The following OTUD7A variants were observed in gnomAD, a reference collection of about 807,000 sequenced individuals.
OTUD7A encodes OTU domain-containing protein 7A.
Under a neutral mutation model 65.7 loss-of-function variants are expected in OTUD7A, and 12 were observed. That is an observed-to-expected ratio of 0.18 (90% CI 0.12 to 0.30). The LOEUF (loss-of-function observed/expected upper bound fraction) is 0.30, where lower values mean the gene tolerates loss of function less well. Among genes scored for constraint, OTUD7A ranks in the 10% least tolerant of loss-of-function variants. The pLI is 1.00. For synonymous variants in OTUD7A, 641 were observed against 586.3 expected (o/e 1.09, Z -1.35); for missense variants, 1,148 against 1,304.8 (o/e 0.88, Z 1.85).
rs533287233 is a variant in OTUD7A, at chr15:31,498,821, T to G, written c.1171+2869A>C. On this transcript the variant is annotated intron_variant, in intron 10 of 12. Transcript: ENST00000307050. The surrounding 1 kb of genome is among the most constrained non-coding windows in gnomAD (Gnocchi z 4.2). ...ACATTTTATCTAAAAAGTCCTAAGA[T>G]AAATTTGCAAAGCCTGGGCCACTGA... is the stretch of plus-strand genomic sequence containing the variant. Among the ~76,000 whole-genome samples, 1 of 152,248 alleles carries G rather than the reference T, an allele frequency of 6.6e-6. No homozygotes were observed. The highest frequency in any genetic ancestry group is 2.4e-5 in the African/African-American group (1 of 41,530).
intron 3 of OTUD7A, among the ~76,000 whole-genome samples, chr15:31,646,107 G>A (rs1891654207): frequency 6.6e-6 from 1 of 152,104 alleles, no homozygotes; most frequent in Non-Finnish European, 1.5e-5. Context: ...GAATCTGAGG[G>A]CTTCTGGTTG....
chr15:31,766,263 A>C, intron 1 of OTUD7A: 1 of 1,596,664 alleles, frequency 6.3e-7, no homozygotes, highest in Non-Finnish European at 8.6e-7. Flanking sequence ...TCTCGCACCC[A>C]TTGCATCATG....
At chr15:31,495,479 C>T (rs1166414893) in intron 10 of OTUD7A, among the ~76,000 whole-genome samples, 1 of 152,148 alleles carries the variant, frequency 6.6e-6, no homozygotes, top group African/African-American at 2.4e-5. Context: ...ACAAAGGTCT[C>T]AGCTAAAAGT....
At chr15:31,621,743 T>C (rs961810051) in intron 3 of OTUD7A, among the ~76,000 whole-genome samples, 2 of 151,126 alleles carry the variant, frequency 1.3e-5, no homozygotes, top group South Asian at 2.1e-4. Context: ...TGTCTTTTAA[T>C]TGGAGCATTT....
At chr15:31,669,731 T>G (rs1319177195) in intron 1 of OTUD7A, among the ~76,000 whole-genome samples, 1 of 151,958 alleles carries the variant, frequency 6.6e-6, no homozygotes, top group South Asian at 2.1e-4. Context: ...GTGGTGTTTT[T>G]CCCCCCTCCT....
chr15:31,569,949 G>A lies in OTUD7A; in HGVS notation c.331+69C>T, dbSNP rs552824126. 196 of 1,558,098 alleles carry A rather than the reference G, an allele frequency of 1.3e-4. 1 individual carries two copies. The African/African-American group carries it at 2.3e-3, about 18-fold the overall frequency. On this transcript the variant is annotated intron_variant, in intron 4 of 12. Transcript: ENST00000307050. ...ATGACCCCACCATTCTTTGTACCACGCAACCCGCCTGCAAGCTGCGGTGCA... is the reference window on the plus strand; with the variant it reads ...ATGACCCCACCATTCTTTGTACCACACAACCCGCCTGCAAGCTGCGGTGCA...
chr15:31,639,451 C>T (rs559626664), intron 3 of OTUD7A, among the ~76,000 whole-genome samples: 1 of 147,314 alleles, frequency 6.8e-6, no homozygotes, highest in East Asian at 2.0e-4. Context: ...GTTTTTTAGC[C>T]CTCACTAAGA....
chr15:31,746,076 T>C (rs1221409855), intron 1 of OTUD7A, among the ~76,000 whole-genome samples: 1 of 152,206 alleles, frequency 6.6e-6, no homozygotes, highest in Non-Finnish European at 1.5e-5. Flanking sequence ...CTTGCTTACA[T>C]TACTGGAGGG....
chr15:31,483,414 C>G lies in OTUD7A; in HGVS notation c.2682G>C (p.Gln894His). ...ECGRGGPGPV[Q>H]RRCQRENCAF... ...CACAGTTCTCGCGCTGGCAGCGCCG[C>G]TGCACCGGCCCCGGGCCGCCACGGC... Residue 894 changes from glutamine (Q) to histidine (H), a missense_variant, in exon 13 of 13, where the codon CAG becomes CAC. By Grantham distance (24) the Gln-to-His change is conservative (BLOSUM62 0). Transcript: ENST00000307050. The G allele has an allele frequency of 7.3e-7, 1 of 1,366,184 alleles. No homozygotes were observed. Among genetic ancestry groups the G allele is most frequent in the Admixed American group, 3.3e-5 (1 of 29,934 alleles). 84.6% of individuals were successfully genotyped at this position (1,366,184 alleles called of 1,614,324 possible).
At chr15:31,577,387 T>C (rs756498053) in intron 3 of OTUD7A, among the ~76,000 whole-genome samples, 5 of 152,206 alleles carry the variant, frequency 3.3e-5, no homozygotes, top group African/African-American at 4.8e-5. Context: ...TTCAAATCTT[T>C]AGGCAAAGCT....
intron 1 of OTUD7A, among the ~76,000 whole-genome samples, chr15:31,851,062 C>G (rs1897412516): frequency 6.6e-6 from 1 of 152,120 alleles, no homozygotes. Context: ...CATTTTTAAA[C>G]ATGATTAAAA....
chr15:31,552,423 T>G (rs1037206036), intron 5 of OTUD7A, among the ~76,000 whole-genome samples: 8 of 152,176 alleles, frequency 5.3e-5, no homozygotes, highest in African/African-American at 1.9e-4. Context: ...CAATTTAAAT[T>G]CTTTATAGCA....
chr15:31,736,366 A>G (rs949991740), intron 1 of OTUD7A, among the ~76,000 whole-genome samples: 1 of 152,234 alleles, frequency 6.6e-6, no homozygotes, highest in Non-Finnish European at 1.5e-5. Context: ...CATGGGACTC[A>G]GCATATTACT....
At position 31,534,094 on chromosome 15, in the gene OTUD7A, CCT is replaced by C. The variant is rs754734218; in HGVS notation, c.551-3288_551-3287del. ...TCCTCCAGAAAATAGCCAACATTACCCTGATACCAAAATCAAAAAAAGTACAA... is the reference window on the plus strand; with the variant it reads ...TCCTCCAGAAAATAGCCAACATTACCGATACCAAAATCAAAAAAAGTACAA... On this transcript the variant is annotated intron_variant, in intron 5 of 12. Coordinates refer to ENST00000307050, the MANE Select transcript of OTUD7A (RefSeq NM_001382637.1). 2.6e-5 allele frequency among the ~76,000 whole-genome samples: 4 copies of C among 152,130 alleles called. No homozygotes were observed. The East Asian group carries it at 5.8e-4, about 22-fold the overall frequency.
intron 1 of OTUD7A, among the ~76,000 whole-genome samples, chr15:31,670,063 CT>C (rs1468072687): frequency 6.9e-6 from 1 of 145,646 alleles, no homozygotes; most frequent in Non-Finnish European, 1.5e-5. Context: ...CTCAGGACTG[CT>C]GGTTTGTTCT....
At chr15:31,545,228 T>C (rs996594929) in intron 5 of OTUD7A, among the ~76,000 whole-genome samples, 1 of 152,092 alleles carries the variant, frequency 6.6e-6, no homozygotes, top group South Asian at 2.1e-4. Context: ...AATGGTACCA[T>C]GTCAGGTTGA....
chr15:31,534,360 ATAAT>A (rs1192535143), intron 5 of OTUD7A, among the ~76,000 whole-genome samples: 1 of 152,208 alleles, frequency 6.6e-6, no homozygotes, highest in Non-Finnish European at 1.5e-5. Flanking sequence ...TTCAATACTC[ATAAT>A]TAAAAATTCC....
chr15:31,803,539 G>T (rs2140951619), intron 1 of OTUD7A, among the ~76,000 whole-genome samples: 1 of 152,288 alleles, frequency 6.6e-6, no homozygotes, highest in Admixed American at 6.5e-5. Flanking sequence ...GAACACTGGG[G>T]GAAGCACCCT....
intron 10 of OTUD7A, among the ~76,000 whole-genome samples, chr15:31,490,723 C>T (rs950998374): frequency 6.6e-6 from 1 of 152,190 alleles, no homozygotes; most frequent in African/African-American, 2.4e-5. Context: ...TTCACATGCA[C>T]CTGCAGGCTC....
Sources: gnomAD v4.1 joint callset for allele counts (sites outside exome capture counted in the v4.1 genomes callset) on GRCh38, gnomAD v4.1.1 for gene constraint, Gnocchi (gnomAD v3.1) non-coding constraint, MANE v1.5 for transcripts, NCBI Gene and HGNC (gene_info 2026-07-23, HGNC 2026-07-21) for gene names.